HS3ST4: variants seen among roughly 807,000 people sequenced by gnomAD.
HS3ST4 encodes the protein heparan sulfate-glucosamine 3-sulfotransferase 4.
A neutral mutation model predicts 29.2 loss-of-function variants in HS3ST4; 17 were observed. That is an observed-to-expected ratio of 0.58 (90% CI 0.40 to 0.87). HS3ST4 has a LOEUF of 0.87. Ranked by LOEUF, HS3ST4 falls within the 40% of genes least tolerant of loss-of-function variation. HS3ST4 has a pLI of 0.00. For missense variants in HS3ST4, 627 were observed against 634.5 expected (o/e 0.99, Z 0.13); for synonymous variants, 314 against 285.7 (o/e 1.10, Z -1.00).
chr16:25,844,952 A>G (rs138635476), intron 1 of HS3ST4, among the ~76,000 whole-genome samples: 1 of 152,344 alleles, frequency 6.6e-6, no homozygotes, highest in East Asian at 1.9e-4. Context: ...TGAGAACAGA[A>G]ACCCAAACAC....
intron 1 of HS3ST4, among the ~76,000 whole-genome samples, chr16:25,709,049 G>T (rs1188314830): frequency 6.6e-6 from 1 of 151,720 alleles, no homozygotes; most frequent in Admixed American, 6.6e-5. Context: ...GAATTTAATG[G>T]CTCATGTATC....
rs1883661244 is a variant in HS3ST4 at position 25,792,649 on chromosome 16, C to T, written c.734+99498C>T. ...TGTAGGATTTGTAATGTTATCGCTC[C>T]TCTGATTCTTGATATTGTAATTTAT... On this transcript the variant is annotated intron_variant, in intron 1 of 1. Transcript: ENST00000331351. Among the ~76,000 whole-genome samples, 3 of 151,784 alleles carry T rather than the reference C, an allele frequency of 2.0e-5. No homozygotes were observed. The South Asian group carries it at 6.2e-4, about 31-fold the overall frequency.
chr16:25,704,123 T>C (rs1264345837), intron 1 of HS3ST4, among the ~76,000 whole-genome samples: 6 of 152,198 alleles, frequency 3.9e-5, no homozygotes, highest in African/African-American at 1.4e-4. Context: ...AGTGAATTCA[T>C]GAACAAAAAG....
chr16:25,815,410 G>A (rs1035242560), intron 1 of HS3ST4, among the ~76,000 whole-genome samples: 1 of 152,092 alleles, frequency 6.6e-6, no homozygotes, highest in Non-Finnish European at 1.5e-5. Flanking sequence ...TGCAACCTCC[G>A]CCTCCCAAGT....
chr16:25,779,945 A>AT lies in HS3ST4; in HGVS notation c.734+86797dup, dbSNP rs566413410. Among the ~76,000 whole-genome samples the AT allele has an allele frequency of 1.1e-3, 165 of 152,288 alleles. 1 individual carries two copies. The highest frequency in any genetic ancestry group is 1.9e-3 in the Non-Finnish European group (131 of 68,014). Reference sequence around the variant, plus strand: ...ACTGGCATTGTCAAAGGAGGAGTCCATTTCCACTGATTTCATTCCGAGGTC... The same window carrying AT: ...ACTGGCATTGTCAAAGGAGGAGTCCATTTTCCACTGATTTCATTCCGAGGTC... On this transcript the variant is annotated intron_variant, in intron 1 of 1. Coordinates refer to ENST00000331351, the MANE Select transcript of HS3ST4 (RefSeq NM_006040.3).
At chr16:25,782,506 G>T (rs2141615954) in intron 1 of HS3ST4, among the ~76,000 whole-genome samples, 1 of 152,258 alleles carries the variant, frequency 6.6e-6, no homozygotes. Flanking sequence ...TAGCCGTATG[G>T]TTCAGAATTC....
intron 1 of HS3ST4, among the ~76,000 whole-genome samples, chr16:25,772,767 T>TA: frequency 6.6e-6 from 1 of 151,994 alleles, no homozygotes; most frequent in Middle Eastern, 3.4e-3. Flanking sequence ...ACCATTCTCT[T>TA]AGAGAGAGAG....
chr16:26,025,558 T>C (rs915635595), intron 1 of HS3ST4, among the ~76,000 whole-genome samples: 2 of 152,152 alleles, frequency 1.3e-5, no homozygotes, highest in African/African-American at 4.8e-5. Context: ...GCAAAGGAGT[T>C]TTTGATTGGC....
At chr16:26,076,560 T>C (rs1596672622) in intron 1 of HS3ST4, among the ~76,000 whole-genome samples, 1 of 152,292 alleles carries the variant, frequency 6.6e-6, no homozygotes, top group African/African-American at 2.4e-5. Flanking sequence ...ACATGGGCTT[T>C]AGAATTAGAA....
chr16:26,125,091 A>T (rs925610840), intron 1 of HS3ST4, among the ~76,000 whole-genome samples: 1 of 152,198 alleles, frequency 6.6e-6, no homozygotes, highest in South Asian at 2.1e-4. Context: ...ATAGTTCTCA[A>T]AGTTGAATCT....
chr16:25,906,337 A>T (rs935537722), intron 1 of HS3ST4, among the ~76,000 whole-genome samples: 4 of 152,176 alleles, frequency 2.6e-5, no homozygotes, highest in African/African-American at 9.7e-5. Context: ...ATTAAACATT[A>T]TTTTTTATTC....
chr16:25,971,380 A>T (rs1277891263), intron 1 of HS3ST4, among the ~76,000 whole-genome samples: 1 of 152,084 alleles, frequency 6.6e-6, no homozygotes, highest in Non-Finnish European at 1.5e-5. Flanking sequence ...TTTTTCACTC[A>T]CTGTTTATCC....
At chr16:25,831,716 A>T (rs1328809196) in intron 1 of HS3ST4, among the ~76,000 whole-genome samples, 1 of 152,228 alleles carries the variant, frequency 6.6e-6, no homozygotes, top group Non-Finnish European at 1.5e-5. Flanking sequence ...TGATGAAATC[A>T]TTCCTGGCAC....
At chr16:26,031,718 T>TTTTC (rs1252998327) in intron 1 of HS3ST4, among the ~76,000 whole-genome samples, 5 of 150,070 alleles carry the variant, frequency 3.3e-5, no homozygotes, top group African/African-American at 1.2e-4. Flanking sequence ...TTTTTTTTTT[T>TTTTC]CCAAGCCAAA....
intron 1 of HS3ST4, among the ~76,000 whole-genome samples, chr16:25,842,120 G>T (rs1334823591): frequency 6.6e-6 from 1 of 152,208 alleles, no homozygotes; most frequent in African/African-American, 2.4e-5. Context: ...AAGTCCAGCT[G>T]CAGAGCATGC....
chr16:26,055,624 T>C (rs1898397670), intron 1 of HS3ST4, among the ~76,000 whole-genome samples: 1 of 152,186 alleles, frequency 6.6e-6, no homozygotes, highest in Admixed American at 6.5e-5. Flanking sequence ...TCCCGCATAA[T>C]AATCCTCAGA....
rs549822635 is a variant in HS3ST4, at chr16:25,921,786, G to C, written c.735-213826G>C. ...TTTTTTTTTTTTGAGACAGGGTTCT[G>C]CTCTGTCACCCAGGCTAGAATACAG... On this transcript the variant is annotated intron_variant, in intron 1 of 1. Transcript: ENST00000331351. Among the ~76,000 whole-genome samples, 4 of 144,116 alleles carry C rather than the reference G, an allele frequency of 2.8e-5. No individual in the cohort carries two copies. The East Asian group carries it at 6.0e-4, about 22-fold the overall frequency. 94.5% of individuals were successfully genotyped at this position (144,116 alleles called of 152,430 possible). A position where few individuals can be genotyped will look rare whatever the true frequency, so the allele number is the denominator to read the frequency against.
chr16:25,849,135 ATTC>A (rs1967493600), intron 1 of HS3ST4, among the ~76,000 whole-genome samples: 2 of 152,082 alleles, frequency 1.3e-5, no homozygotes, highest in Non-Finnish European at 2.9e-5. Context: ...TACTGTGTTA[ATTC>A]TTCTATGTAG....
At chr16:25,699,787 A>C (rs1966322651) in intron 1 of HS3ST4, among the ~76,000 whole-genome samples, 1 of 152,228 alleles carries the variant, frequency 6.6e-6, no homozygotes. Context: ...TGGACAAATT[A>C]CTTAATATAG....
Sources: gnomAD v4.1 joint callset for allele counts (sites outside exome capture counted in the v4.1 genomes callset) on GRCh38, gnomAD v4.1.1 for gene constraint, MANE v1.5 for transcripts, NCBI Gene and HGNC (gene_info 2026-07-23, HGNC 2026-07-21) for gene names.